SYCP2L: variants seen among roughly 807,000 people sequenced by gnomAD.
SYCP2L encodes synaptonemal complex protein 2 like.
A neutral mutation model predicts 125.8 loss-of-function variants in SYCP2L; 98 were observed. The observed-to-expected ratio is 0.78, with a 90% CI of 0.66 to 0.92. SYCP2L has a LOEUF of 0.92. Among genes scored for constraint, SYCP2L ranks in the 40% least tolerant of loss-of-function variants. The pLI is 0.00. For missense variants in SYCP2L, 842 were observed against 936.4 expected (o/e 0.90, Z 1.32); for synonymous variants, 317 against 325.4 (o/e 0.97, Z 0.28).
chr6:10,942,065 CAT>C (rs35096650), intron 21 of SYCP2L, among the ~76,000 whole-genome samples: 32,233 of 146,382 alleles, frequency 0.22, 4,001 homozygotes, highest in East Asian at 0.43. Flanking sequence ...AAAAACACCA[CAT>C]GTTCTCACTC....
chr6:10,947,838 A>G (rs75458470), intron 23 of SYCP2L, among the ~76,000 whole-genome samples: 4 of 152,246 alleles, frequency 2.6e-5, no homozygotes, highest in Non-Finnish European at 5.9e-5. Context: ...TAGCAAATGC[A>G]TCTAAAGTTT....
At chr6:10,968,224 G>C (rs1381791144) in intron 29 of SYCP2L, among the ~76,000 whole-genome samples, 1 of 152,196 alleles carries the variant, frequency 6.6e-6, no homozygotes, top group Non-Finnish European at 1.5e-5. Context: ...AGGTTGGGGT[G>C]CACATAGCTG....
chr6:10,955,352 T>C, intron 24 of SYCP2L, 135 bp downstream of exon 24: 2 of 581,148 alleles, frequency 3.4e-6, no homozygotes, highest in East Asian at 2.7e-5. Flanking sequence ...AACTAAGCTT[T>C]TGTGCTTTTG....
At position 10,891,462 on chromosome 6, in the gene SYCP2L, G is replaced by A. The variant is rs375971114; in HGVS notation, c.10-51G>A. The A allele has an allele frequency of 8.4e-4, 634 of 755,538 alleles. 2 individuals carry two copies. The highest frequency in any genetic ancestry group is 6.4e-3 in the Middle Eastern group (18 of 2,800). The allele number at this position is 755,538 out of a possible 1,614,324, so 46.8% of individuals were successfully genotyped here. Reference sequence around the variant, plus strand: ...TTGCTTTGTGTTTAAAACTTGAAATGCATTTCTTTGAAATAAAAATTGTTT... The same window carrying A: ...TTGCTTTGTGTTTAAAACTTGAAATACATTTCTTTGAAATAAAAATTGTTT... On this transcript the variant is annotated intron_variant, in intron 1 of 29. Transcript: ENST00000283141.
At chr6:10,903,325 G>A (rs1780418092) in intron 8 of SYCP2L, among the ~76,000 whole-genome samples, 1 of 152,126 alleles carries the variant, frequency 6.6e-6, no homozygotes, top group African/African-American at 2.4e-5. Context: ...AAGGCGGGTG[G>A]ATCACGAGGT....
chr6:10,914,961 A>G (rs1780666094), intron 14 of SYCP2L, among the ~76,000 whole-genome samples: 1 of 151,980 alleles, frequency 6.6e-6, no homozygotes, highest in Non-Finnish European at 1.5e-5. Flanking sequence ...AGCCAGGCCG[A>G]TCATGAACTC....
chr6:10,931,810 C>T (rs1181073324), intron 20 of SYCP2L, among the ~76,000 whole-genome samples: 1 of 151,872 alleles, frequency 6.6e-6, no homozygotes, highest in African/African-American at 2.4e-5. Flanking sequence ...ACAAAAAATA[C>T]AAAAATTAGC....
chr6:10,907,441 C>T, intron 9 of SYCP2L, 101 bp from the exon 10 acceptor site: 1 of 1,099,140 alleles, frequency 9.1e-7, no homozygotes, highest in Non-Finnish European at 1.3e-6. Context: ...TGCTAGGCTT[C>T]TCAGATGGAG....
chr6:10,965,759 A>G (rs962498199), intron 29 of SYCP2L, among the ~76,000 whole-genome samples: 1 of 152,216 alleles, frequency 6.6e-6, no homozygotes, highest in African/African-American at 2.4e-5. Context: ...TAAATCTTGC[A>G]TTACCATGTC....
At chr6:10,904,142 G>C (rs1780441573) in intron 8 of SYCP2L, among the ~76,000 whole-genome samples, 1 of 152,182 alleles carries the variant, frequency 6.6e-6, no homozygotes, top group South Asian at 2.1e-4. Flanking sequence ...AGTGCCCCAA[G>C]GTTTCCAGTA....
At chr6:10,899,497 A>G (rs1171513917) in intron 6 of SYCP2L, among the ~76,000 whole-genome samples, 2 of 152,144 alleles carry the variant, frequency 1.3e-5, no homozygotes, top group Non-Finnish European at 2.9e-5. Flanking sequence ...GCAGTGAGTC[A>G]TGATCGTGCC....
chr6:10,956,125 T>G lies in SYCP2L; in HGVS notation c.2057-11T>G. ...GTTAGTTTTATTCCATGTTTTGTTT[T>G]TGTTTTCCAGAAGGAATTTCCACTT... On this transcript the variant is annotated splice_polypyrimidine_tract_variant and intron_variant, in intron 24 of 29. Transcript: ENST00000283141. 6.2e-7 allele frequency: 1 copy of G among 1,606,964 alleles called. No homozygotes were observed. Among genetic ancestry groups the G allele is most frequent in the South Asian group, 1.1e-5 (1 of 90,840 alleles).
At chr6:10,927,123 T>G in intron 16 of SYCP2L, 117 bp from the exon 17 acceptor site, 1 of 1,471,158 alleles carries the variant, frequency 6.8e-7, no homozygotes, top group Non-Finnish European at 9.0e-7. Flanking sequence ...CAGGACCTAA[T>G]TACCAGGTCT....
chr6:10,968,193 C>G (rs554413081), intron 29 of SYCP2L, among the ~76,000 whole-genome samples: 1 of 152,234 alleles, frequency 6.6e-6, no homozygotes, highest in East Asian at 1.9e-4. Context: ...TGTTGAGAAT[C>G]AAGACATCTG....
chr6:10,906,616 T>G (rs1780495058), intron 9 of SYCP2L, among the ~76,000 whole-genome samples: 1 of 147,278 alleles, frequency 6.8e-6, no homozygotes, highest in South Asian at 2.2e-4. Flanking sequence ...TTTTTTTTTT[T>G]GATGGAGTTT....
chr6:10,911,353 A>G (rs554017414), intron 12 of SYCP2L, among the ~76,000 whole-genome samples: 5 of 152,054 alleles, frequency 3.3e-5, no homozygotes, highest in Non-Finnish European at 5.9e-5. Context: ...TTTCTAGAGG[A>G]ACAAGGTCCT....
At chr6:10,910,527 T>G (rs1224159246) in intron 11 of SYCP2L, among the ~76,000 whole-genome samples, 2 of 152,246 alleles carry the variant, frequency 1.3e-5, no homozygotes, top group African/African-American at 4.8e-5. Flanking sequence ...AGTTGTATCG[T>G]GAACAGTTAA....
intron 26 of SYCP2L, among the ~76,000 whole-genome samples, chr6:10,960,845 G>A (rs1266638581): frequency 1.3e-5 from 2 of 152,206 alleles, no homozygotes; most frequent in Admixed American, 1.3e-4. Context: ...GGATGCTGAG[G>A]CAGGCGGATC....
In SYCP2L at chr6:10,935,099, A is replaced by T; in HGVS notation, c.1725A>T (p.Gln575His). The change falls in exon 21 of 30, where the codon CAA becomes CAT. Residue 575 changes from glutamine (Q) to histidine (H), a missense_variant. Transcript: ENST00000283141. ...LSPSEKEIPE[Q>H]NNTTSPKTSE... ...CATCAGAGAAAGAAATACCCGAGCA[A>T]AATAACACCACATCTCCAAAGACTT... 1.9e-6 allele frequency: 3 copies of T among 1,612,868 alleles called. No individual in the cohort carries two copies. The highest frequency in any genetic ancestry group is 2.5e-6 in the Non-Finnish European group (3 of 1,179,506).
Sources: allele counts gnomAD v4.1 joint callset (sites outside exome capture counted in the v4.1 genomes callset), GRCh38; gene constraint gnomAD v4.1.1; transcripts MANE v1.5; gene names NCBI Gene and HGNC (gene_info 2026-07-23, HGNC 2026-07-21).